CDH13: variants seen among roughly 807,000 people sequenced by gnomAD.
CDH13 encodes cadherin-13.
CDH13 carries 24 observed loss-of-function variants against 63.8 expected under a neutral mutation model. That is an observed-to-expected ratio of 0.38 (90% CI 0.27 to 0.53). CDH13 has a LOEUF of 0.53. Among genes scored for constraint, CDH13 ranks in the 20% least tolerant of loss-of-function variants. The pLI, the probability that CDH13 is intolerant of heterozygous loss-of-function variation, is 0.85. For missense variants in CDH13, 1,049 were observed against 903.1 expected (o/e 1.16, Z -2.07); for synonymous variants, 503 against 355.3 (o/e 1.42, Z -4.67).
At chr16:83,496,514 A>G (rs1195361245) in intron 7 of CDH13, among the ~76,000 whole-genome samples, 12 of 151,988 alleles carry the variant, frequency 7.9e-5, no homozygotes, top group Non-Finnish European at 1.6e-4. Context: ...TCAATTCAAG[A>G]TGGATTAAAG....
intron 6 of CDH13, among the ~76,000 whole-genome samples, chr16:83,416,586 A>G (rs914740893): frequency 2.2e-4 from 34 of 152,202 alleles, no homozygotes; most frequent in African/African-American, 7.7e-4. Context: ...TGACATGCAT[A>G]CTGATGCCTC....
intron 5 of CDH13, among the ~76,000 whole-genome samples, chr16:83,227,646 G>C (rs921370490): frequency 2.6e-5 from 4 of 152,180 alleles, no homozygotes; most frequent in African/African-American, 9.7e-5. Flanking sequence ...TAACCTGTGA[G>C]CAAAACCCCC....
chr16:83,057,510 G>GT (rs1453592525), intron 3 of CDH13, among the ~76,000 whole-genome samples: 2 of 151,500 alleles, frequency 1.3e-5, no homozygotes, highest in South Asian at 2.1e-4. Context: ...TTAAAAGTAA[G>GT]TTTTTTTCAA....
At chr16:83,540,071 T>TTG (rs796359530) in intron 7 of CDH13, among the ~76,000 whole-genome samples, 2 of 149,724 alleles carry the variant, frequency 1.3e-5, no homozygotes, top group African/African-American at 5.1e-5. Context: ...ATAAATTTTT[T>TTG]TTTTTTTTTT....
At chr16:82,649,940 G>C (rs1205019193) in intron 1 of CDH13, among the ~76,000 whole-genome samples, 1 of 152,204 alleles carries the variant, frequency 6.6e-6, no homozygotes, top group East Asian at 1.9e-4. Flanking sequence ...GCTTAAGACA[G>C]TGCCCGGTGT....
rs1293195398 is a variant in CDH13, at chr16:83,659,829, C to T, written c.1102-10961C>T. ...TGAGATGGAGTCTCACTCTGTCGCC[C>T]AGGCTGGAGTGCAGTGGCATGATCT... is the stretch of plus-strand genomic sequence containing the variant. On this transcript the variant is annotated intron_variant, in intron 8 of 13. Transcript: ENST00000567109. 2.7e-5 allele frequency among the ~76,000 whole-genome samples: 4 copies of T among 150,082 alleles called. No homozygotes were observed. In the East Asian group the frequency reaches 5.9e-4, roughly 22 times the overall value.
At chr16:83,646,387 G>A (rs1042729587) in intron 8 of CDH13, among the ~76,000 whole-genome samples, 1 of 152,104 alleles carries the variant, frequency 6.6e-6, no homozygotes, top group African/African-American at 2.4e-5. Flanking sequence ...CCGTTCTGCA[G>A]GGCTCAACTT....
intron 1 of CDH13, among the ~76,000 whole-genome samples, chr16:82,676,897 T>TTTTG (rs778790542): frequency 7.1e-6 from 1 of 140,942 alleles, no homozygotes; most frequent in East Asian, 1.9e-4. Context: ...TTTTGTTTTG[T>TTTTG]TTTTTTCAAC....
At chr16:82,949,521 G>C (rs1905081763) in intron 2 of CDH13, among the ~76,000 whole-genome samples, 1 of 152,158 alleles carries the variant, frequency 6.6e-6, no homozygotes, top group Admixed American at 6.6e-5. Context: ...CCTAAATGGG[G>C]ATCTCCTGAC....
At chr16:82,889,556 G>C (rs374311902) in intron 2 of CDH13, among the ~76,000 whole-genome samples, 1 of 152,196 alleles carries the variant, frequency 6.6e-6, no homozygotes, top group Non-Finnish European at 1.5e-5. Context: ...CCAAAGCAAA[G>C]AGTACAATTT....
chr16:82,764,816 T>A (rs886146625), intron 1 of CDH13, among the ~76,000 whole-genome samples: 7 of 119,166 alleles, frequency 5.9e-5, no homozygotes, highest in Admixed American at 8.3e-5. Context: ...TCATTCATTC[T>A]TTTTTTTTTT....
At chr16:83,057,577 A>G (rs1211549925) in intron 3 of CDH13, among the ~76,000 whole-genome samples, 1 of 125,848 alleles carries the variant, frequency 7.9e-6, no homozygotes, top group Non-Finnish European at 1.6e-5. Context: ...TTTTACTGCC[A>G]CTTTCTATTG....
chr16:83,406,035 G>A (rs965740791), intron 6 of CDH13, among the ~76,000 whole-genome samples: 7 of 152,242 alleles, frequency 4.6e-5, no homozygotes, highest in East Asian at 1.9e-4. Flanking sequence ...GCTTCTCCCC[G>A]CTTTTCCAGG....
chr16:82,994,511 C>G lies in CDH13; in HGVS notation c.158-37499C>G, dbSNP rs150251479. Reference sequence around the variant, plus strand: ...TAGCCTTTCATCGTAATCTCCCAACCTTTACTCAGCTAATGGCCCCTTTGG... The same window carrying G: ...TAGCCTTTCATCGTAATCTCCCAACGTTTACTCAGCTAATGGCCCCTTTGG... On this transcript the variant is annotated intron_variant, in intron 2 of 13. Transcript: ENST00000567109. Among the ~76,000 whole-genome samples, 146 of 152,280 alleles carry G rather than the reference C, an allele frequency of 9.6e-4. 2 individuals are homozygous for G. Among genetic ancestry groups the G allele is most frequent in the African/African-American group, 3.3e-3 (139 of 41,562 alleles).
intron 6 of CDH13, among the ~76,000 whole-genome samples, chr16:83,434,955 C>T (rs146113900): frequency 0.042 from 2,726 of 64,762 alleles, 110 homozygotes; most frequent in African/African-American, 0.14. Context: ...ATATATAAAA[C>T]ATAGGGGTTT....
chr16:82,702,810 T>C (rs2031157817), intron 1 of CDH13, among the ~76,000 whole-genome samples: 1 of 152,016 alleles, frequency 6.6e-6, no homozygotes, highest in African/African-American at 2.4e-5. Context: ...CCCCCAGGGT[T>C]CAGCTCCCTG....
At chr16:82,695,049 G>C (rs535799398) in intron 1 of CDH13, among the ~76,000 whole-genome samples, 1 of 152,242 alleles carries the variant, frequency 6.6e-6, no homozygotes, top group African/African-American at 2.4e-5. Context: ...TCCCAAGGTG[G>C]AGGAGGCAGC....
intron 2 of CDH13, among the ~76,000 whole-genome samples, chr16:83,025,586 TAGGAACTACAATTCA>T (rs531922462): frequency 2.5e-4 from 38 of 152,240 alleles, no homozygotes; most frequent in African/African-American, 8.7e-4. Flanking sequence ...ACGGGAGTTA[TAGGAACTACAATTCA>T]AGATGAGATT....
rs570040747 is a variant in CDH13, at chr16:82,669,408, C to T, written c.45+42271C>T. Among the ~76,000 whole-genome samples the T allele has an allele frequency of 3.4e-4, 52 of 152,302 alleles. No homozygotes were observed. In the South Asian group the frequency reaches 5.0e-3, roughly 15 times the overall value. On this transcript the variant is annotated intron_variant, in intron 1 of 13. Coordinates refer to ENST00000567109, the MANE Select transcript of CDH13 (RefSeq NM_001257.5). ...TCTACTGCCACATTGATAAAGTCTACAGAGAAAATAGTGGGTCTTTTAGGA... is the reference window on the plus strand; with the variant it reads ...TCTACTGCCACATTGATAAAGTCTATAGAGAAAATAGTGGGTCTTTTAGGA...
Sources: allele counts gnomAD v4.1 joint callset (sites outside exome capture counted in the v4.1 genomes callset), GRCh38; gene constraint gnomAD v4.1.1; transcripts MANE v1.5; gene names NCBI Gene and HGNC (gene_info 2026-07-23, HGNC 2026-07-21).